The following PASK variants were observed in gnomAD, a reference collection of about 807,000 sequenced individuals.
PASK encodes PAS domain containing serine/threonine kinase.
A neutral mutation model predicts 121.0 loss-of-function variants in PASK; 110 were observed. The observed-to-expected ratio is 0.91, with a 90% CI of 0.78 to 1.06. PASK has a LOEUF of 1.06. Among genes scored for constraint, PASK ranks in the 50% least tolerant of loss-of-function variants. The pLI is 0.00. For synonymous variants in PASK, 686 were observed against 717.8 expected (o/e 0.96, Z 0.71); for missense variants, 1,643 against 1,702.3 (o/e 0.97, Z 0.61).
chr2:241,140,933 C>A, intron 2 of PASK, 180 bp from the exon 3 acceptor site: 1 of 647,628 alleles, frequency 1.5e-6, no homozygotes. Flanking sequence ...CCAGAATCCA[C>A]TTAGGCAACC....
Position 241,121,005 on chromosome 2 carries a change from A to C in PASK, c.3072+1727T>G, listed in dbSNP as rs891816380. Among the ~76,000 whole-genome samples the C allele has an allele frequency of 2.0e-5, 3 of 152,390 alleles. No homozygotes were observed. The East Asian group carries it at 5.8e-4, about 29-fold the overall frequency. On this transcript the variant is annotated intron_variant, in intron 12 of 17. Transcript: ENST00000234040. ...ATTACTCGGTCATAAAAAAGAATGA[A>C]GTACTTATACATGCTGCAATATGGA...
At chr2:241,143,217 G>A in intron 1 of PASK, 143 bp from the exon 2 acceptor site, 1 of 650,526 alleles carries the variant, frequency 1.5e-6, no homozygotes, top group Non-Finnish European at 2.8e-6. Flanking sequence ...ACCCGCAATG[G>A]GAGAATGGTC....
Position 241,135,905 on chromosome 2 carries a change from C to T in PASK, c.1272G>A (p.Pro424=), listed in dbSNP as rs1166022015. ...CCTCAGCTGGGTCCTGGCCCTGCCA[C>T]GGGTCCAAGGTTCTCTCCCCACACC... ...ESGCGERTLD[P]WQGQDPAEGG... Residue 424 remains proline (P), a synonymous_variant, in exon 8 of 18, where the codon CCG becomes CCA. Coordinates refer to ENST00000234040, the MANE Select transcript of PASK (RefSeq NM_015148.4). The T allele has an allele frequency of 9.3e-6, 15 of 1,614,164 alleles. No homozygotes were observed. Among genetic ancestry groups the T allele is most frequent in the South Asian group, 2.2e-5 (2 of 91,088 alleles).
Position 241,132,927 on chromosome 2 carries a change from C to T in PASK, c.1410G>A (p.Glu470=). 1 of 1,614,160 alleles carries T rather than the reference C, an allele frequency of 6.2e-7. No individual in the cohort carries two copies. The highest frequency in any genetic ancestry group is 8.5e-7 in the Non-Finnish European group (1 of 1,179,990). ...AAAGGAGCTGGCCTCCAGCAATCAG[C>T]TCAGTCTGAGTCCCGGTGAAGATGT... ...SQDIFTGTQT[E]LIAGGQLLSC... is the part of the protein sequence containing the mutation. Residue 470 remains glutamate, a synonymous_variant, in exon 9 of 18, where the codon GAG becomes GAA. Transcript: ENST00000234040.
intron 12 of PASK, among the ~76,000 whole-genome samples, chr2:241,121,965 GA>G (rs1367661257): frequency 3.9e-5 from 6 of 152,016 alleles, no homozygotes; most frequent in Non-Finnish European, 7.4e-5. Context: ...TCTCTATAAA[GA>G]AATTAAAAAC....
At chr2:241,120,492 C>CAAAAAAA (rs568145375) in intron 12 of PASK, among the ~76,000 whole-genome samples, 6 of 140,024 alleles carry the variant, frequency 4.3e-5, no homozygotes, top group East Asian at 2.7e-4. Context: ...GACTCTGTCT[C>CAAAAAAA]AAAAGAAAAA....
intron 1 of PASK, chr2:241,145,949 G>GA (rs34549274): frequency 3.3e-4 from 43 of 132,268 alleles, no homozygotes; most frequent in South Asian, 4.7e-4. Context: ...CCAAAAAAAA[G>GA]AAAAAAAAAA....
At chr2:241,115,266 T>TCTCTGAAGAGGAAACCATCA in intron 13 of PASK, 22 bp downstream of exon 13, 1 of 1,614,022 alleles carries the variant, frequency 6.2e-7, no homozygotes, top group Non-Finnish European at 8.5e-7. Flanking sequence ...AGTTAGGGTA[T>TCTCTGAAGAGGAAACCATCA]CTCTGAAGAG....
chr2:241,118,905 G>C, intron 12 of PASK: 1 of 1,031,854 alleles, frequency 9.7e-7, no homozygotes, highest in East Asian at 7.3e-5. Flanking sequence ...GCTGGCTGCC[G>C]AGATCTTCTC....
intron 9 of PASK, among the ~76,000 whole-genome samples, chr2:241,130,525 T>C (rs2066076388): frequency 6.6e-6 from 1 of 152,122 alleles, no homozygotes; most frequent in South Asian, 2.1e-4. Context: ...CGGGTCAGAC[T>C]TGGGCCCTCA....
chr2:241,140,181 C>A, intron 3 of PASK, 126 bp from the exon 4 acceptor site: 1 of 807,792 alleles, frequency 1.2e-6, no homozygotes, highest in Non-Finnish European at 2.1e-6. Flanking sequence ...CACTCTGTTG[C>A]CCAGGCTGGA....
chr2:241,113,748 G>C, intron 14 of PASK: 1 of 985,470 alleles, frequency 1.0e-6, no homozygotes, highest in Non-Finnish European at 1.2e-6. Context: ...TCTGTGCCCT[G>C]GACTGGCCAT....
intron 9 of PASK, among the ~76,000 whole-genome samples, chr2:241,128,464 G>C (rs1379699526): frequency 6.6e-6 from 1 of 152,226 alleles, no homozygotes; most frequent in African/African-American, 2.4e-5. Flanking sequence ...TGTCAGCCCA[G>C]CCACTGGCCT....
intron 12 of PASK, among the ~76,000 whole-genome samples, chr2:241,120,715 C>T (rs554671157): frequency 1.0e-3 from 158 of 152,326 alleles, no homozygotes; most frequent in African/African-American, 3.7e-3. Flanking sequence ...CCCTTGTACA[C>T]TGCTGATGGG....
At chr2:241,121,794 C>T (rs934095261) in intron 12 of PASK, among the ~76,000 whole-genome samples, 3 of 152,190 alleles carry the variant, frequency 2.0e-5, no homozygotes, top group Non-Finnish European at 4.4e-5. Flanking sequence ...TGCTATGATA[C>T]TAAATGGGTA....
upstream of PASK, chr2:241,150,249 T>C: frequency 7.7e-7 from 1 of 1,290,382 alleles, no homozygotes; most frequent in Non-Finnish European, 9.8e-7. Context: ...CCCTCTGCTT[T>C]CCTTCCCAGC....
At chr2:241,125,137 AAAAAAAC>A (rs145913268) in intron 10 of PASK, among the ~76,000 whole-genome samples, 5,395 of 151,894 alleles carry the variant, frequency 0.036, 323 homozygotes, top group African/African-American at 0.12. Flanking sequence ...TGTCTCTACT[AAAAAAAC>A]AAAAAAATTA....
Position 241,143,710 on chromosome 2 carries a change from G to C in PASK, c.-42-636C>G, listed in dbSNP as rs941629217. 1.2e-4 allele frequency among the ~76,000 whole-genome samples: 18 copies of C among 152,308 alleles called. 1 individual carries two copies. In the Middle Eastern group the frequency reaches 0.01, roughly 86 times the overall value. On this transcript the variant is annotated intron_variant, in intron 1 of 17. Coordinates refer to ENST00000234040, the MANE Select transcript of PASK (RefSeq NM_015148.4). ...TACACACCAACTGAAAATACTCCCAGGTCATGATGAACCCATCAGCACGTG... is the reference window on the plus strand; with the variant it reads ...TACACACCAACTGAAAATACTCCCACGTCATGATGAACCCATCAGCACGTG...
At position 241,140,692 on chromosome 2, in the gene PASK, T is replaced by C. The variant is rs1464502228; in HGVS notation, c.258A>G (p.Lys86=). 4 of 1,613,944 alleles carry C rather than the reference T, an allele frequency of 2.5e-6. No homozygotes were observed. Among genetic ancestry groups the C allele is most frequent in the Middle Eastern group, 1.6e-4 (1 of 6,078 alleles). Residue 86 remains lysine (K), a synonymous_variant, in exon 3 of 18, where the codon AAA becomes AAG. Transcript: ENST00000234040. ...SLAAQNICTS[K]LHCPAAPEHT... ...GCTCAGGGGCAGCAGGGCAGTGCAG[T>C]TTACTTGTACAAATATTCTGGGCAG... is the stretch of plus-strand genomic sequence containing the variant.
Sources: gnomAD v4.1 joint callset for allele counts (sites outside exome capture counted in the v4.1 genomes callset) on GRCh38, gnomAD v4.1.1 for gene constraint, MANE v1.5 for transcripts, NCBI Gene and HGNC (gene_info 2026-07-23, HGNC 2026-07-21) for gene names.